VEPH1: variants seen among roughly 807,000 people sequenced by gnomAD.
The protein encoded by VEPH1 is ventricular zone expressed PH domain containing 1, also known as ventricular zone-expressed PH domain-containing protein homolog 1.
A neutral mutation model predicts 85.2 loss-of-function variants in VEPH1; 80 were observed. That is an observed-to-expected ratio of 0.94 (90% CI 0.78 to 1.13). The LOEUF (loss-of-function observed/expected upper bound fraction) is 1.13, where lower values mean the gene tolerates loss of function less well. Among genes scored for constraint, VEPH1 ranks in the 50% most tolerant of loss-of-function variants. The pLI is 0.00. For missense variants in VEPH1, 955 were observed against 980.5 expected (o/e 0.97, Z 0.35); for synonymous variants, 297 against 348.0 (o/e 0.85, Z 1.63).
At chr3:157,460,951 C>T (rs924131872) in intron 3 of VEPH1, among the ~76,000 whole-genome samples, 2 of 151,950 alleles carry the variant, frequency 1.3e-5, no homozygotes, top group Non-Finnish European at 1.5e-5. Context: ...TTAGGGTAAT[C>T]GGGGGCCACT....
intron 6 of VEPH1, 40 bp downstream of exon 6, chr3:157,413,841 G>T (rs751811268): frequency 1.6e-5 from 26 of 1,598,358 alleles, no homozygotes; most frequent in Non-Finnish European, 2.2e-5. Flanking sequence ...TTAAGTGCCA[G>T]TGCAATTCAG....
At chr3:157,487,226 C>T (rs1382100090) in intron 2 of VEPH1, among the ~76,000 whole-genome samples, 3 of 151,932 alleles carry the variant, frequency 2.0e-5, no homozygotes, top group Non-Finnish European at 4.4e-5. Flanking sequence ...TAAATCAAAA[C>T]TTTAAAAAGT....
At chr3:157,266,261 A>T (rs1431736118) in intron 12 of VEPH1, among the ~76,000 whole-genome samples, 1 of 149,508 alleles carries the variant, frequency 6.7e-6, no homozygotes, top group East Asian at 2.0e-4. Context: ...AACTTACCCA[A>T]CTCTTGTACA....
intron 4 of VEPH1, among the ~76,000 whole-genome samples, chr3:157,440,136 G>C (rs757428681): frequency 3.9e-5 from 6 of 152,032 alleles, no homozygotes; most frequent in African/African-American, 7.3e-5. Flanking sequence ...AACACAGCTG[G>C]AAGAAAAGAT....
intron 4 of VEPH1, among the ~76,000 whole-genome samples, chr3:157,457,105 A>G (rs1735450147): frequency 6.6e-6 from 1 of 152,050 alleles, no homozygotes; most frequent in Non-Finnish European, 1.5e-5. Context: ...GGTTAGCTGG[A>G]TTCCTAGGTA....
chr3:157,301,779 A>G (rs1419235375), intron 11 of VEPH1, among the ~76,000 whole-genome samples: 3 of 152,104 alleles, frequency 2.0e-5, no homozygotes, highest in South Asian at 2.1e-4. Flanking sequence ...TGTGGATGCA[A>G]TCCTGAACTG....
intron 1 of VEPH1, among the ~76,000 whole-genome samples, chr3:157,502,000 G>A (rs1740151926): frequency 6.6e-6 from 1 of 152,198 alleles, no homozygotes; most frequent in Non-Finnish European, 1.5e-5. Flanking sequence ...CACACAGCGT[G>A]AAAGGACTAC....
intron 12 of VEPH1, among the ~76,000 whole-genome samples, chr3:157,272,298 CTTCCT>C (rs1714694948): frequency 7.0e-6 from 1 of 143,546 alleles, no homozygotes; most frequent in Non-Finnish European, 1.5e-5. Flanking sequence ...CCTTCCTTCC[CTTCCT>C]CTCTCTCTCT....
intron 4 of VEPH1, among the ~76,000 whole-genome samples, chr3:157,434,493 GT>G (rs779812096): frequency 6.6e-6 from 1 of 151,898 alleles, no homozygotes; most frequent in Non-Finnish European, 1.5e-5. Context: ...TAAATTTTTT[GT>G]GCAGATGAGG....
intron 6 of VEPH1, among the ~76,000 whole-genome samples, chr3:157,408,680 A>G (rs1209776324): frequency 1.3e-5 from 2 of 152,192 alleles, no homozygotes; most frequent in Non-Finnish European, 2.9e-5. Context: ...GGGAGTGACT[A>G]ACTTTGCCTA....
intron 3 of VEPH1, among the ~76,000 whole-genome samples, chr3:157,468,686 G>A (rs1404031658): frequency 6.6e-6 from 1 of 151,826 alleles, no homozygotes; most frequent in Non-Finnish European, 1.5e-5. Context: ...GGATATAATG[G>A]GTTGAAGAAA....
rs148242880 is a variant in VEPH1 at position 157,264,379 on chromosome 3, C to T, written c.2265+1147G>A. ...CCAGTTTTCCTGGTTCTCCAGCTTG[C>T]ACACAGCATATCATGGAACTTCACA... On this transcript the variant is annotated intron_variant, in intron 13 of 13. Transcript: ENST00000362010. Among the ~76,000 whole-genome samples the T allele has an allele frequency of 3.3e-5, 5 of 152,288 alleles. No homozygotes were observed. The East Asian group carries it at 9.6e-4, about 29-fold the overall frequency.
Position 157,363,397 on chromosome 3 carries a change from T to G in VEPH1, c.1702A>C (p.Lys568Gln). Reference protein sequence around the residue: ...VKAYAMEIGKKIPVPDQCTIE... With the variant: ...VKAYAMEIGKQIPVPDQCTIE... Reference sequence around the variant, plus strand: ...GTACACTGATCAGGGACTGGAATCTTCTTTCCAATTTCCATGGCATATGCT... The same window carrying G: ...GTACACTGATCAGGGACTGGAATCTGCTTTCCAATTTCCATGGCATATGCT... Residue 568 changes from lysine to glutamine, a missense_variant, in exon 9 of 14, where the codon AAG becomes CAG. Lys to Gln is a moderately conservative substitution (Grantham distance 53). Coordinates refer to ENST00000362010, the MANE Select transcript of VEPH1 (RefSeq NM_001167912.2). 6.2e-7 allele frequency: 1 copy of G among 1,610,444 alleles called. No homozygotes were observed. The highest frequency in any genetic ancestry group is 8.5e-7 in the Non-Finnish European group (1 of 1,179,200).
chr3:157,317,572 A>G (rs1374884062), intron 9 of VEPH1, among the ~76,000 whole-genome samples: 1 of 152,240 alleles, frequency 6.6e-6, no homozygotes, highest in Non-Finnish European at 1.5e-5. Flanking sequence ...TTTTCTGGGT[A>G]GTAAATGACT....
At chr3:157,397,468 ATG>A (rs1405474732) in intron 6 of VEPH1, among the ~76,000 whole-genome samples, 1 of 152,168 alleles carries the variant, frequency 6.6e-6, no homozygotes, top group African/African-American at 2.4e-5. Context: ...TCTGTGAAGA[ATG>A]TTAATGGTAG....
chr3:157,423,707 TA>T (rs1732526970), intron 5 of VEPH1, among the ~76,000 whole-genome samples: 1 of 152,242 alleles, frequency 6.6e-6, no homozygotes, highest in African/African-American at 2.4e-5. Context: ...ATTCTATGTT[TA>T]TTGTCAGTTT....
intron 6 of VEPH1, among the ~76,000 whole-genome samples, chr3:157,412,295 T>C (rs1428641940): frequency 1.3e-5 from 2 of 152,198 alleles, no homozygotes; most frequent in Non-Finnish European, 2.9e-5. Flanking sequence ...AACTGACAGT[T>C]ACTTAATTGC....
chr3:157,279,738 T>C (rs963280032), intron 12 of VEPH1, among the ~76,000 whole-genome samples: 8 of 152,004 alleles, frequency 5.3e-5, no homozygotes, highest in African/African-American at 1.9e-4. Flanking sequence ...AGTATGTCAG[T>C]TGGGCCTGGT....
chr3:157,365,923 C>T (rs145667858), intron 7 of VEPH1, among the ~76,000 whole-genome samples: 97 of 152,222 alleles, frequency 6.4e-4, no homozygotes, highest in African/African-American at 2.1e-3. Flanking sequence ...TTACCATTGG[C>T]GGTTAACTCG....
Sources: allele counts gnomAD v4.1 joint callset (sites outside exome capture counted in the v4.1 genomes callset), GRCh38; gene constraint gnomAD v4.1.1; transcripts MANE v1.5; gene names NCBI Gene and HGNC (gene_info 2026-07-23, HGNC 2026-07-21).